The following KIAA1217 variants were observed in gnomAD, a reference collection of about 807,000 sequenced individuals.
KIAA1217 encodes KIAA1217, also known as sickle tail protein homolog.
In KIAA1217, 88 loss-of-function variants were observed where a neutral mutation model predicts 163.9. The ratio of observed to expected loss-of-function variants is 0.54; its 90% CI spans 0.45 to 0.64. The LOEUF is 0.64. Ranked by LOEUF, KIAA1217 falls within the 30% of genes least tolerant of loss-of-function variation. The pLI is 0.00. For synonymous variants in KIAA1217, 903 were observed against 923.1 expected, an observed-to-expected ratio of 0.98 and a Z score of 0.39; for missense variants, 2,372 against 2,475.0, an observed-to-expected ratio of 0.96 and a Z score of 0.88.
At chr10:23,809,207 A>G (rs1449838650) in intron 1 of KIAA1217, among the ~76,000 whole-genome samples, 1 of 152,094 alleles carries the variant, frequency 6.6e-6, no homozygotes, top group Non-Finnish European at 1.5e-5. Context: ...ATAAAAGCAA[A>G]TGCAAGTAAA....
chr10:23,892,353 GT>G (rs143642226), intron 1 of KIAA1217, among the ~76,000 whole-genome samples: 2,578 of 151,960 alleles, frequency 0.017, 43 homozygotes, highest in Admixed American at 0.048. Flanking sequence ...CTTTCATCTG[GT>G]TTCTTTAAAC....
At chr10:24,126,988 G>C (rs2063492965) in intron 2 of KIAA1217, among the ~76,000 whole-genome samples, 1 of 151,786 alleles carries the variant, frequency 6.6e-6, no homozygotes, top group Non-Finnish European at 1.5e-5. Flanking sequence ...TTCTCTTTTT[G>C]CAAGTCCAAT....
At position 24,222,716 on chromosome 10, in the gene KIAA1217, G is replaced by A. The variant is rs182132176; in HGVS notation, c.354+2807G>A. On this transcript the variant is annotated intron_variant, in intron 2 of 20. Transcript: ENST00000376454. ...GTAGAGACGGTGTTTTACCATGTTG[G>A]CCAGGCTGGTCTCGAACTCCTGACC... 2.1e-3 allele frequency among the ~76,000 whole-genome samples: 325 copies of A among 152,154 alleles called. 3 individuals carry two copies. Among genetic ancestry groups the A allele is most frequent in the African/African-American group, 7.4e-3 (308 of 41,504 alleles).
At chr10:23,896,676 G>T (rs891913725) in intron 1 of KIAA1217, among the ~76,000 whole-genome samples, 1 of 152,078 alleles carries the variant, frequency 6.6e-6, no homozygotes, top group African/African-American at 2.4e-5. Context: ...CATCCTAAAG[G>T]TTGGGTTAAT....
At chr10:23,776,357 TA>T (rs373637433) in intron 1 of KIAA1217, among the ~76,000 whole-genome samples, 42,357 of 150,694 alleles carry the variant, frequency 0.28, 6,461 homozygotes, top group African/African-American at 0.39. Flanking sequence ...TATATATATA[TA>T]TTTACAATTT....
chr10:24,512,013 C>T (rs189097622), intron 9 of KIAA1217, among the ~76,000 whole-genome samples: 1 of 152,286 alleles, frequency 6.6e-6, no homozygotes, highest in East Asian at 1.9e-4. Context: ...CACACATCTA[C>T]TAAGTGGTAA....
chr10:24,237,492 C>A (rs2072453518), intron 2 of KIAA1217, among the ~76,000 whole-genome samples: 1 of 152,154 alleles, frequency 6.6e-6, no homozygotes, highest in South Asian at 2.1e-4. Flanking sequence ...AGCCTGAATT[C>A]AATAAGCAAA....
intron 1 of KIAA1217, among the ~76,000 whole-genome samples, chr10:23,731,807 ATGAG>A (rs1427035889): frequency 6.6e-6 from 1 of 152,074 alleles, no homozygotes; most frequent in Admixed American, 6.6e-5. Flanking sequence ...TTTTTAAATC[ATGAG>A]TGAGTGTTAG....
chr10:24,067,606 A>G (rs1420365479), intron 2 of KIAA1217, among the ~76,000 whole-genome samples: 1 of 152,180 alleles, frequency 6.6e-6, no homozygotes, highest in Non-Finnish European at 1.5e-5. Context: ...CCACTTGAGG[A>G]GGCAGTCTGT....
chr10:23,738,429 A>G (rs7079541), intron 1 of KIAA1217, among the ~76,000 whole-genome samples: 34,729 of 151,866 alleles, frequency 0.23, 4,271 homozygotes, highest in African/African-American at 0.32. Context: ...TCACATTGTC[A>G]TTTATTTGGC....
At chr10:24,175,889 C>T (rs2065864605) in intron 2 of KIAA1217, among the ~76,000 whole-genome samples, 1 of 152,100 alleles carries the variant, frequency 6.6e-6, no homozygotes, top group Non-Finnish European at 1.5e-5. Context: ...AACTGCAGAC[C>T]TCCACCATGA....
At chr10:23,845,194 A>G (rs1375779589) in intron 1 of KIAA1217, among the ~76,000 whole-genome samples, 1 of 152,160 alleles carries the variant, frequency 6.6e-6, no homozygotes, top group African/African-American at 2.4e-5. Context: ...GCTGCAATAA[A>G]CATACATGTG....
chr10:23,724,463 C>T (rs1838029127), intron 1 of KIAA1217, among the ~76,000 whole-genome samples: 1 of 151,904 alleles, frequency 6.6e-6, no homozygotes, highest in African/African-American at 2.4e-5. Flanking sequence ...ATTTCTTATG[C>T]TTAACTTTTA....
chr10:24,487,590 A>G (rs1270805244), intron 6 of KIAA1217, among the ~76,000 whole-genome samples: 2 of 152,238 alleles, frequency 1.3e-5, no homozygotes, highest in Non-Finnish European at 2.9e-5. Flanking sequence ...TTATGAAGAA[A>G]GATTAGAAAT....
chr10:24,328,681 G>A (rs539446212), intron 2 of KIAA1217, among the ~76,000 whole-genome samples: 73 of 151,810 alleles, frequency 4.8e-4, no homozygotes, highest in Middle Eastern at 3.4e-3. Flanking sequence ...TTTTATAACC[G>A]CAAAATATCC....
At chr10:24,160,927 C>T (rs958382558) in intron 2 of KIAA1217, among the ~76,000 whole-genome samples, 2 of 152,184 alleles carry the variant, frequency 1.3e-5, no homozygotes, top group African/African-American at 2.4e-5. Context: ...AATTTAATAG[C>T]ATTAATGACT....
At chr10:24,385,293 G>A (rs1045735862) in intron 3 of KIAA1217, among the ~76,000 whole-genome samples, 7 of 152,192 alleles carry the variant, frequency 4.6e-5, no homozygotes, top group African/African-American at 1.7e-4. Context: ...CAGTGTATTT[G>A]GGGGCTGGGA....
intron 5 of KIAA1217, among the ~76,000 whole-genome samples, chr10:24,457,619 T>A (rs545121242): frequency 6.6e-6 from 1 of 152,298 alleles, no homozygotes; most frequent in Admixed American, 6.5e-5. Flanking sequence ...CAGGCTGGTC[T>A]CAAACTCCTG....
At chr10:24,364,406 A>G (rs1367004362) in intron 2 of KIAA1217, among the ~76,000 whole-genome samples, 1 of 152,106 alleles carries the variant, frequency 6.6e-6, no homozygotes, top group Non-Finnish European at 1.5e-5. Flanking sequence ...TTTCTTTTTT[A>G]TTGCTCTTAT....
Sources: allele counts gnomAD v4.1 joint callset (sites outside exome capture counted in the v4.1 genomes callset), GRCh38; gene constraint gnomAD v4.1.1; transcripts MANE v1.5; gene names NCBI Gene and HGNC (gene_info 2026-07-23, HGNC 2026-07-21).